Variants in ANKS1B observed in about 807,000 individuals in gnomAD.
ANKS1B encodes ankyrin repeat and sterile alpha motif domain-containing protein 1B.
Under a neutral mutation model 148.3 loss-of-function variants are expected in ANKS1B, and 36 were observed. The ratio of observed to expected loss-of-function variants is 0.24; its 90% CI spans 0.19 to 0.32. The LOEUF (loss-of-function observed/expected upper bound fraction) is 0.32, where lower values mean the gene tolerates loss of function less well. Among genes scored for constraint, ANKS1B ranks in the 10% least tolerant of loss-of-function variants. ANKS1B has a pLI of 1.00. For synonymous variants in ANKS1B, 542 were observed against 560.8 expected (o/e 0.97, Z 0.47); for missense variants, 1,157 against 1,542.6 (o/e 0.75, Z 4.19).
At chr12:98,852,440 C>T (rs1205241991) in intron 17 of ANKS1B, among the ~76,000 whole-genome samples, 1 of 151,960 alleles carries the variant, frequency 6.6e-6, no homozygotes, top group African/African-American at 2.4e-5. Context: ...ATTCTGCAAT[C>T]AAGTAGAAAG....
intron 9 of ANKS1B, among the ~76,000 whole-genome samples, chr12:99,592,230 C>G (rs184920341): frequency 1.6e-4 from 24 of 152,072 alleles, no homozygotes; most frequent in African/African-American, 5.5e-4. Flanking sequence ...GGTGGTTGAT[C>G]TAAAGCACAC....
At chr12:99,385,854 T>C (rs544052115) in intron 12 of ANKS1B, among the ~76,000 whole-genome samples, 3 of 152,354 alleles carry the variant, frequency 2.0e-5, no homozygotes, top group South Asian at 2.1e-4. Context: ...CTGAAAGATA[T>C]ATTAAAAATA....
At chr12:99,208,638 T>C (rs1033120140) in intron 14 of ANKS1B, among the ~76,000 whole-genome samples, 1 of 152,126 alleles carries the variant, frequency 6.6e-6, no homozygotes, top group African/African-American at 2.4e-5. Context: ...GGTCATACCA[T>C]TGGACTGGGT....
intron 1 of ANKS1B, among the ~76,000 whole-genome samples, chr12:99,973,575 C>T (rs2095587735): frequency 6.6e-6 from 1 of 152,164 alleles, no homozygotes; most frequent in African/African-American, 2.4e-5. Flanking sequence ...GAGTGAGACC[C>T]TATCACAAAT....
At chr12:99,663,855 C>T (rs370049082) in intron 8 of ANKS1B, among the ~76,000 whole-genome samples, 61 of 152,194 alleles carry the variant, frequency 4.0e-4, no homozygotes, top group African/African-American at 1.2e-3. Flanking sequence ...TCCTCTGAAA[C>T]GCTTAGTTCC....
intron 1 of ANKS1B, among the ~76,000 whole-genome samples, chr12:99,889,270 A>ACTGACTG (rs1371326019): frequency 6.6e-6 from 1 of 152,156 alleles, no homozygotes; most frequent in East Asian, 1.9e-4. Context: ...AAACAAGGAA[A>ACTGACTG]CTGACTGCTG....
intron 14 of ANKS1B, among the ~76,000 whole-genome samples, chr12:99,182,512 T>C (rs2079238915): frequency 6.6e-6 from 1 of 152,140 alleles, no homozygotes; most frequent in East Asian, 1.9e-4. Flanking sequence ...TTTTTATGGC[T>C]GAATAGTACT....
At chr12:98,923,640 A>G (rs1358529632) in intron 17 of ANKS1B, among the ~76,000 whole-genome samples, 1 of 152,198 alleles carries the variant, frequency 6.6e-6, no homozygotes, top group African/African-American at 2.4e-5. Context: ...TTTTTAGATA[A>G]CTGATAAACC....
intron 1 of ANKS1B, among the ~76,000 whole-genome samples, chr12:99,863,110 G>A (rs1187905511): frequency 6.6e-6 from 1 of 152,070 alleles, no homozygotes; most frequent in Non-Finnish European, 1.5e-5. Context: ...ACCTTAAGAT[G>A]GTGACTGTTT....
intron 1 of ANKS1B, among the ~76,000 whole-genome samples, chr12:99,965,807 G>C (rs975038719): frequency 6.6e-6 from 1 of 152,178 alleles, no homozygotes; most frequent in African/African-American, 2.4e-5. Context: ...AGCTACTCAG[G>C]AGGCTGAGGC....
At chr12:98,748,950 G>A (rs2097985986) in intron 26 of ANKS1B, among the ~76,000 whole-genome samples, 1 of 152,080 alleles carries the variant, frequency 6.6e-6, no homozygotes, top group Non-Finnish European at 1.5e-5. Flanking sequence ...GCAAATTCCT[G>A]GACACTTAGC....
intron 26 of ANKS1B, among the ~76,000 whole-genome samples, chr12:98,746,086 A>T (rs1221923487): frequency 6.6e-6 from 1 of 152,210 alleles, no homozygotes; most frequent in Non-Finnish European, 1.5e-5. Context: ...GTGAGCACAC[A>T]GACGGGGAGC....
At chr12:99,127,334 G>A (rs927932922) in intron 15 of ANKS1B, among the ~76,000 whole-genome samples, 7 of 151,872 alleles carry the variant, frequency 4.6e-5, no homozygotes, top group African/African-American at 1.7e-4. Context: ...TCATCTGCCC[G>A]ATTACTTTTT....
chr12:98,989,713 G>A (rs2099925412), intron 17 of ANKS1B, among the ~76,000 whole-genome samples: 1 of 152,112 alleles, frequency 6.6e-6, no homozygotes, highest in South Asian at 2.1e-4. Context: ...GCCAAGGTGG[G>A]AGGATCATTT....
intron 12 of ANKS1B, among the ~76,000 whole-genome samples, chr12:99,372,530 C>A (rs1042269475): frequency 6.6e-6 from 1 of 151,932 alleles, no homozygotes; most frequent in Non-Finnish European, 1.5e-5. Flanking sequence ...TTTAAAATTC[C>A]TTTCTTTGTA....
intron 9 of ANKS1B, among the ~76,000 whole-genome samples, chr12:99,529,113 G>A (rs1037536323): frequency 1.3e-5 from 2 of 152,102 alleles, no homozygotes; most frequent in Non-Finnish European, 2.9e-5. Flanking sequence ...AATAATCTCT[G>A]TAATGAATCA....
intron 14 of ANKS1B, among the ~76,000 whole-genome samples, chr12:99,242,781 A>G (rs1037077343): frequency 6.6e-6 from 1 of 152,200 alleles, no homozygotes. Flanking sequence ...TGACAAAAAC[A>G]AGCAATGGGG....
intron 8 of ANKS1B, among the ~76,000 whole-genome samples, chr12:99,692,146 G>A (rs756432224): frequency 1.2e-4 from 19 of 152,164 alleles, no homozygotes; most frequent in Non-Finnish European, 2.1e-4. Flanking sequence ...AGCATGGGAA[G>A]AACCTGATTG....
rs760782948 is a variant in ANKS1B, at chr12:98,818,128, C to A, written c.3067-10210G>T. 2.4e-3 allele frequency among the ~76,000 whole-genome samples: 357 copies of A among 151,550 alleles called. 1 individual carries two copies. Among genetic ancestry groups the A allele is most frequent in the Admixed American group, 3.5e-3 (54 of 15,212 alleles). On this transcript the variant is annotated intron_variant, in intron 19 of 26. Transcript: ENST00000683438. ...TCCAAACTCCCTTCCCTTTCCCATT[C>A]CTCTCCAGTTCCCTCCCTCCCTCCC... is the stretch of plus-strand genomic sequence containing the variant.
Sources: allele counts gnomAD v4.1 joint callset (sites outside exome capture counted in the v4.1 genomes callset), GRCh38; gene constraint gnomAD v4.1.1; transcripts MANE v1.5; gene names NCBI Gene and HGNC (gene_info 2026-07-23, HGNC 2026-07-21).